NTN1: variants seen among roughly 807,000 people sequenced by gnomAD.
NTN1 encodes the protein netrin 1, also known as netrin-1.
A neutral mutation model predicts 54.2 loss-of-function variants in NTN1; 11 were observed. The ratio of observed to expected loss-of-function variants is 0.20; its 90% CI spans 0.13 to 0.34. The LOEUF (loss-of-function observed/expected upper bound fraction) is 0.34, where lower values mean the gene tolerates loss of function less well. NTN1 is among the 10% of genes least tolerant of loss of function. NTN1 has a pLI of 1.00. For missense variants in NTN1, 740 were observed against 893.1 expected, an observed-to-expected ratio of 0.83 and a Z score of 2.18; for synonymous variants, 371 against 382.0, an observed-to-expected ratio of 0.97 and a Z score of 0.33.
At chr17:9,094,890 G>A (rs1193679108) in intron 2 of NTN1, among the ~76,000 whole-genome samples, 1 of 151,574 alleles carries the variant, frequency 6.6e-6, no homozygotes, top group Non-Finnish European at 1.5e-5. Context: ...TCAGGAGGCT[G>A]AGGCAGGAGA....
chr17:9,096,095 C>G (rs968882363), intron 2 of NTN1, among the ~76,000 whole-genome samples: 6 of 152,124 alleles, frequency 3.9e-5, no homozygotes, highest in Non-Finnish European at 8.8e-5. Flanking sequence ...CTGCTTCCAG[C>G]CAAATCTTTA....
intron 2 of NTN1, among the ~76,000 whole-genome samples, chr17:9,031,926 A>G (rs1212031388): frequency 3.3e-5 from 5 of 152,048 alleles, no homozygotes; most frequent in Non-Finnish European, 5.9e-5. Flanking sequence ...GTGCCACTGC[A>G]CTCCAGCCTG....
chr17:9,228,997 T>G (rs1246423939), intron 6 of NTN1, among the ~76,000 whole-genome samples: 1 of 146,882 alleles, frequency 6.8e-6, no homozygotes, highest in Non-Finnish European at 1.5e-5. Context: ...TGTGACTGAT[T>G]CTGTGACTGT....
intron 2 of NTN1, among the ~76,000 whole-genome samples, chr17:9,032,392 C>T (rs1415043828): frequency 6.6e-6 from 1 of 152,174 alleles, no homozygotes; most frequent in Non-Finnish European, 1.5e-5. Context: ...GAAACAAAAG[C>T]TTATCACTGT....
intron 6 of NTN1, among the ~76,000 whole-genome samples, chr17:9,229,459 C>T (rs1270904417): frequency 6.6e-6 from 1 of 152,102 alleles, no homozygotes; most frequent in Admixed American, 6.5e-5. Flanking sequence ...AGATAAAATA[C>T]TCTGCGCGGG....
rs1255305843 is a variant in NTN1 at position 9,243,685 on chromosome 17, A to AT, written c.*3717_*3718insT. On this transcript the variant is annotated 3_prime_UTR_variant, in exon 7 of 7. Coordinates refer to ENST00000173229, the MANE Select transcript of NTN1 (RefSeq NM_004822.3). ...ACGTTTCTTCCCATTCCCTCCTCCCAAATGCACTTCCCCTCCTCCCTCTGC... is the reference window on the plus strand; with the variant it reads ...ACGTTTCTTCCCATTCCCTCCTCCCATAATGCACTTCCCCTCCTCCCTCTGC... The AT allele has an allele frequency of 6.6e-6, 1 of 152,040 alleles. No homozygotes were observed. Among genetic ancestry groups the AT allele is most frequent in the Admixed American group, 6.6e-5 (1 of 15,254 alleles). 9.4% of individuals were successfully genotyped at this position (152,040 alleles called of 1,614,324 possible).
chr17:9,189,696 C>G (rs1904400430), intron 5 of NTN1, among the ~76,000 whole-genome samples: 1 of 152,072 alleles, frequency 6.6e-6, no homozygotes, highest in Non-Finnish European at 1.5e-5. Flanking sequence ...AAAAAAAATC[C>G]TATGTAGTAA....
At chr17:9,038,155 A>C (rs1245548773) in intron 2 of NTN1, among the ~76,000 whole-genome samples, 1 of 151,936 alleles carries the variant, frequency 6.6e-6, no homozygotes, top group African/African-American at 2.4e-5. Flanking sequence ...TGTGAGGCTT[A>C]CCCGGACTAT....
At chr17:9,151,851 A>G (rs1046313887) in intron 2 of NTN1, among the ~76,000 whole-genome samples, 14 of 152,220 alleles carry the variant, frequency 9.2e-5, no homozygotes, top group Non-Finnish European at 1.9e-4. Context: ...AGCTAGCAAG[A>G]GGATTGTAAA....
At chr17:9,100,409 T>A (rs2092146626) in intron 2 of NTN1, among the ~76,000 whole-genome samples, 2 of 152,178 alleles carry the variant, frequency 1.3e-5, no homozygotes, top group African/African-American at 4.8e-5. Flanking sequence ...GTGATTCTTC[T>A]GCCTCAGCCT....
chr17:9,085,271 G>A lies in NTN1; in HGVS notation c.1018+61880G>A, dbSNP rs2092086552. Among the ~76,000 whole-genome samples, 3 of 152,226 alleles carry A rather than the reference G, an allele frequency of 2.0e-5. No individual in the cohort carries two copies. In the South Asian group the frequency reaches 6.2e-4, roughly 31 times the overall value. On this transcript the variant is annotated intron_variant, in intron 2 of 6. Coordinates refer to ENST00000173229, the MANE Select transcript of NTN1 (RefSeq NM_004822.3). ...TCCAGCTGCTCTGCCACCCTCTGGGGGGCTATCCTCAGCTTCCCGATGGAA... is the reference window on the plus strand; with the variant it reads ...TCCAGCTGCTCTGCCACCCTCTGGGAGGCTATCCTCAGCTTCCCGATGGAA...
intron 2 of NTN1, among the ~76,000 whole-genome samples, chr17:9,073,692 T>C (rs1020188681): frequency 5.9e-5 from 9 of 152,158 alleles, no homozygotes; most frequent in Admixed American, 4.6e-4. Context: ...TCTTACAAGG[T>C]CAGTTTTTGA....
chr17:9,013,171 A>G, the NTN1 span, among the ~76,000 whole-genome samples: 1 of 151,396 alleles, frequency 6.6e-6, no homozygotes, highest in Admixed American at 6.6e-5. Context: ...CACAATGCCA[A>G]TACCACCTCT....
At chr17:9,059,851 C>T (rs2091990750) in intron 2 of NTN1, among the ~76,000 whole-genome samples, 1 of 148,524 alleles carries the variant, frequency 6.7e-6, no homozygotes, top group Admixed American at 6.7e-5. Context: ...AAAAAAAGAC[C>T]CTTGCAGATG....
intron 5 of NTN1, among the ~76,000 whole-genome samples, chr17:9,202,710 C>T (rs1904836286): frequency 6.6e-6 from 1 of 152,124 alleles, no homozygotes; most frequent in African/African-American, 2.4e-5. Flanking sequence ...CCAAATGTAT[C>T]ACCAACTTTT....
intron 2 of NTN1, among the ~76,000 whole-genome samples, chr17:9,156,184 C>T (rs1321069693): frequency 1.3e-5 from 2 of 151,388 alleles, no homozygotes; most frequent in Non-Finnish European, 2.9e-5. Flanking sequence ...TGTCCCAGTG[C>T]GCAGGCAGCC....
At chr17:9,058,366 A>G (rs2091985544) in intron 2 of NTN1, among the ~76,000 whole-genome samples, 1 of 152,144 alleles carries the variant, frequency 6.6e-6, no homozygotes, top group African/African-American at 2.4e-5. Context: ...GAGCTCAAAC[A>G]TCATCTAGGC....
chr17:9,213,239 G>A (rs747512955), intron 5 of NTN1, among the ~76,000 whole-genome samples: 7 of 152,262 alleles, frequency 4.6e-5, no homozygotes, highest in South Asian at 4.1e-4. Flanking sequence ...GACAGAGCAC[G>A]TCCGAGTAGG....
At chr17:9,008,718 A>G in the NTN1 span, among the ~76,000 whole-genome samples, 1 of 152,232 alleles carries the variant, frequency 6.6e-6, no homozygotes, top group African/African-American at 2.4e-5. Context: ...TATCCATGGA[A>G]GGAAGAGAGG....
Sources: gnomAD v4.1 joint callset for allele counts (sites outside exome capture counted in the v4.1 genomes callset) on GRCh38, gnomAD v4.1.1 for gene constraint, MANE v1.5 for transcripts, NCBI Gene and HGNC (gene_info 2026-07-23, HGNC 2026-07-21) for gene names.